CCDC7: variants seen among roughly 807,000 people sequenced by gnomAD.
The protein encoded by CCDC7 is coiled-coil domain containing 7, also known as coiled-coil domain-containing protein 7.
Under a neutral mutation model 196.9 loss-of-function variants are expected in CCDC7, and 183 were observed. The observed-to-expected ratio is 0.93, with a 90% CI of 0.82 to 1.05. The LOEUF is 1.05. CCDC7 is among the 50% of genes least tolerant of loss of function. The pLI is 0.00. For synonymous variants in CCDC7, 525 were observed against 484.6 expected (o/e 1.08, Z -1.10); for missense variants, 1,540 against 1,482.2 (o/e 1.04, Z -0.64).
chr10:32,846,035 T>A (rs954407554), intron 36 of CCDC7, 76 bp downstream of exon 37: 2 of 1,047,748 alleles, frequency 1.9e-6, no homozygotes, highest in African/African-American at 1.6e-5. Flanking sequence ...TATAGACCTT[T>A]AATGACAACA....
At chr10:32,706,293 T>C (rs1197103576) in intron 24 of CCDC7, among the ~76,000 whole-genome samples, 3 of 151,990 alleles carry the variant, frequency 2.0e-5, no homozygotes, top group East Asian at 1.9e-4. Context: ...CACAACATAC[T>C]GGAATCTCTG....
chr10:32,511,557 T>C, intron 9 of CCDC7: 1 of 1,607,660 alleles, frequency 6.2e-7, no homozygotes, highest in Non-Finnish European at 8.5e-7. Context: ...GAATTTAATG[T>C]GTATGCAGAA....
upstream of CCDC7, among the ~76,000 whole-genome samples, chr10:32,447,557 G>T (rs1193693188): frequency 6.6e-6 from 1 of 152,060 alleles, no homozygotes. Context: ...CATTTTGCTT[G>T]TATCATTAAT....
intron 28 of CCDC7, among the ~76,000 whole-genome samples, chr10:32,764,418 A>T (rs528335458): frequency 2.0e-4 from 31 of 151,970 alleles, no homozygotes; most frequent in Non-Finnish European, 3.8e-4. Flanking sequence ...ACAAAGTTAG[A>T]TCACACCAAA....
At chr10:32,596,027 G>A (rs890825327) in intron 18 of CCDC7, among the ~76,000 whole-genome samples, 4 of 152,160 alleles carry the variant, frequency 2.6e-5, no homozygotes, top group African/African-American at 9.7e-5. Flanking sequence ...CTGTTGATTT[G>A]GGGTGGAGAG....
At chr10:32,652,783 T>C (rs956767527) in intron 20 of CCDC7, among the ~76,000 whole-genome samples, 5 of 152,092 alleles carry the variant, frequency 3.3e-5, no homozygotes, top group Non-Finnish European at 5.9e-5. Context: ...TTCTAGTTAT[T>C]ATTTTTTAAT....
intron 18 of CCDC7, among the ~76,000 whole-genome samples, chr10:32,591,814 G>A (rs1396962766): frequency 6.6e-6 from 1 of 152,134 alleles, no homozygotes; most frequent in Non-Finnish European, 1.5e-5. Flanking sequence ...TCAGGGCAGC[G>A]GGCTCCCATC....
Position 32,453,327 on chromosome 10 carries a change from T to A in CCDC7, c.280-17T>A, listed in dbSNP as rs2033570536. 6.8e-7 allele frequency: 1 copy of A among 1,466,062 alleles called. No homozygotes were observed. Among genetic ancestry groups the A allele is most frequent in the Non-Finnish European group, 9.0e-7 (1 of 1,107,588 alleles). 90.8% of individuals were successfully genotyped at this position (1,466,062 alleles called of 1,614,324 possible). ...AACTATTAAAGTATCTAATTGGCTTTTATTTTTTTTTTACAGGTTGTTTCC... is the reference window on the plus strand; with the variant it reads ...AACTATTAAAGTATCTAATTGGCTTATATTTTTTTTTTACAGGTTGTTTCC... On this transcript the variant is annotated splice_polypyrimidine_tract_variant and intron_variant, in intron 1 of 41. Transcript: ENST00000639629.
chr10:32,591,934 T>C (rs2059820495), intron 18 of CCDC7, among the ~76,000 whole-genome samples: 1 of 152,202 alleles, frequency 6.6e-6, no homozygotes, highest in South Asian at 2.1e-4. Flanking sequence ...GTACCTAAGC[T>C]GTTTTTTGGT....
At chr10:32,766,092 A>G (rs900661630) in intron 28 of CCDC7, among the ~76,000 whole-genome samples, 30 of 151,962 alleles carry the variant, frequency 2.0e-4, no homozygotes, top group African/African-American at 6.5e-4. Flanking sequence ...TACTCTAGAT[A>G]TATTAGTAAG....
chr10:32,785,586 GA>G (rs1354499711), intron 29 of CCDC7, among the ~76,000 whole-genome samples: 6 of 151,804 alleles, frequency 4.0e-5, no homozygotes, highest in Non-Finnish European at 4.4e-5. Context: ...ACTAAAAGTA[GA>G]AAAAAGATTA....
chr10:32,804,769 G>A (rs1460535645), intron 29 of CCDC7, among the ~76,000 whole-genome samples: 2 of 152,034 alleles, frequency 1.3e-5, no homozygotes, highest in Admixed American at 6.6e-5. Flanking sequence ...TTATCACCTC[G>A]ATATGTGGTC....
intron 33 of CCDC7, among the ~76,000 whole-genome samples, chr10:32,837,976 A>T (rs1005270694): frequency 6.6e-6 from 1 of 151,874 alleles, no homozygotes; most frequent in Non-Finnish European, 1.5e-5. Context: ...CCTAATGTAA[A>T]TGATGAGTTA....
In CCDC7 at chr10:32,540,678, T is replaced by C. The variant is rs191211158; in HGVS notation, c.994-2622T>C. 5.4e-4 allele frequency among the ~76,000 whole-genome samples: 82 copies of C among 152,318 alleles called. No homozygotes were observed. In the Middle Eastern group the frequency reaches 0.01, roughly 19 times the overall value. On this transcript the variant is annotated intron_variant, in intron 11 of 41. Coordinates refer to ENST00000639629, the Ensembl canonical transcript of CCDC7. The stretch of plus-strand genomic sequence containing the variant: ...AATTTTTTTCTTTAGGAATGCTGAA[T>C]ATAGGCTACCCCCAACCCAGTCTCT...
At chr10:32,628,201 G>C (rs2064328262) in intron 18 of CCDC7, among the ~76,000 whole-genome samples, 1 of 151,678 alleles carries the variant, frequency 6.6e-6, no homozygotes, top group Non-Finnish European at 1.5e-5. Context: ...ACTAATTATT[G>C]GTCTGTTCAG....
intron 1 of CCDC7, 103 bp downstream of exon 2, chr10:32,452,024 T>C (rs2033203249): frequency 7.1e-7 from 1 of 1,410,772 alleles, no homozygotes; most frequent in South Asian, 1.7e-5. Context: ...GTCATACCGA[T>C]GGCTAAGATT....
At chr10:32,837,035 C>T (rs1024702381) in intron 33 of CCDC7, among the ~76,000 whole-genome samples, 40 of 152,210 alleles carry the variant, frequency 2.6e-4, no homozygotes, top group Non-Finnish European at 3.8e-4. Context: ...ATGTCTAAAA[C>T]ACCAAAAGCA....
At chr10:32,707,133 G>A (rs564788965) in intron 24 of CCDC7, among the ~76,000 whole-genome samples, 15 of 152,228 alleles carry the variant, frequency 9.9e-5, no homozygotes, top group East Asian at 7.7e-4. Context: ...TTGCTAAGCC[G>A]GCTTCATCCC....
intron 40 of CCDC7, among the ~76,000 whole-genome samples, chr10:32,853,623 A>G (rs777691337): frequency 1.3e-5 from 2 of 152,148 alleles, no homozygotes; most frequent in Non-Finnish European, 2.9e-5. Context: ...TTTTAATTAT[A>G]TAGTTTTGTT....
Sources: allele counts gnomAD v4.1 joint callset (sites outside exome capture counted in the v4.1 genomes callset), GRCh38; gene constraint gnomAD v4.1.1; transcripts MANE v1.5; gene names NCBI Gene and HGNC (gene_info 2026-07-23, HGNC 2026-07-21).